The following WNK1 variants were observed in gnomAD, a reference collection of about 807,000 sequenced individuals.
The protein encoded by WNK1 is WNK lysine deficient protein kinase 1.
WNK1 carries 38 observed loss-of-function variants against 222.8 expected under a neutral mutation model. The observed-to-expected ratio is 0.17, with a 90% confidence interval of 0.13 to 0.22. The LOEUF is 0.22. Ranked by LOEUF, WNK1 falls within the 10% of genes least tolerant of loss-of-function variation. The probability of loss-of-function intolerance (pLI) is 1.00; values close to 1 mark genes in which losing one functional copy is unlikely to be tolerated. For missense variants in WNK1, 2,348 were observed against 2,918.4 expected (o/e 0.80, Z 4.50); for synonymous variants, 1,090 against 1,092.9 (o/e 1.00, Z 0.05).
rs561238194 is a variant in WNK1 at position 896,639 on chromosome 12, G to A, written c.6152G>A (p.Ser2051Asn). The A allele has an allele frequency of 1.9e-6, 3 of 1,608,388 alleles. No homozygotes were observed. Among genetic ancestry groups the A allele is most frequent in the Admixed American group, 1.7e-5 (1 of 58,876 alleles). The change falls in exon 24 of 28, where the codon AGT becomes AAT. Residue 2051 changes from serine (S) to asparagine (N), a missense_variant. Around this residue, in one of 13 missense-constraint regions of WNK1, gnomAD observed 1,144 missense variants for 1,273.6 expected, o/e 0.90. Transcript: ENST00000315939. ...LPSQNLSQSL[S>N]NSFNSSYMSS... ...AGCCAGAATCTAAGTCAAAGCCTTAGTAATTCATTTAACTCCTCTTACATG... is the reference window on the plus strand; with the variant it reads ...AGCCAGAATCTAAGTCAAAGCCTTAATAATTCATTTAACTCCTCTTACATG...
intron 1 of WNK1, 37 bp from the exon 2 acceptor site, chr12:813,605 A>G (rs1947093305): frequency 6.2e-7 from 1 of 1,607,628 alleles, no homozygotes; most frequent in African/African-American, 1.3e-5. Flanking sequence ...GTGTTTTATC[A>G]TTTTAAACCA....
chr12:764,708 TA>T (rs199688405), intron 1 of WNK1, among the ~76,000 whole-genome samples: 4 of 134,960 alleles, frequency 3.0e-5, no homozygotes, highest in Non-Finnish European at 6.6e-5. Flanking sequence ...AAAAAGAAAT[TA>T]AAAAAAAAGT....
chr12:753,543 C>T lies in WNK1; in HGVS notation c.-23C>T, dbSNP rs556319875. ...TTTCGTTCACGAATCCGAGCCCGCTCGCCTCTCTCCAGCGAACCGACCATG... is the reference window on the plus strand; with the variant it reads ...TTTCGTTCACGAATCCGAGCCCGCTTGCCTCTCTCCAGCGAACCGACCATG... On this transcript the variant is annotated 5_prime_UTR_variant, in exon 1 of 28. Coordinates refer to ENST00000315939, the MANE Select transcript of WNK1 (RefSeq NM_018979.4). This position sits in a 1 kb window ranked among gnomAD's most constrained non-coding sequence, Gnocchi z 5.2. The T allele has an allele frequency of 6.8e-5, 110 of 1,611,458 alleles. No individual in the cohort carries two copies. In the East Asian group the frequency reaches 2.4e-3, roughly 35 times the overall value.
chr12:824,216 CTTTTTTT>C (rs1207566592), intron 2 of WNK1, among the ~76,000 whole-genome samples: 1 of 126,128 alleles, frequency 7.9e-6, no homozygotes, highest in Non-Finnish European at 1.7e-5. Flanking sequence ...GCAGAGACAT[CTTTTTTT>C]TTTTTTTTTT....
chr12:770,293 C>A (rs183057324), intron 1 of WNK1, among the ~76,000 whole-genome samples: 1 of 152,190 alleles, frequency 6.6e-6, no homozygotes, highest in Admixed American at 6.5e-5. Flanking sequence ...GTTTCTGATA[C>A]ATGAATTTGG....
At chr12:802,173 A>G (rs1454552093) in intron 1 of WNK1, among the ~76,000 whole-genome samples, 1 of 152,210 alleles carries the variant, frequency 6.6e-6, no homozygotes, top group Non-Finnish European at 1.5e-5. Flanking sequence ...TTGTACGTGA[A>G]TGAACGTTTT....
At chr12:823,824 G>A (rs530297708) in intron 2 of WNK1, among the ~76,000 whole-genome samples, 1 of 151,978 alleles carries the variant, frequency 6.6e-6, no homozygotes, top group Admixed American at 6.6e-5. Flanking sequence ...TCAGCAACTG[G>A]GCTTTGTCTT....
At chr12:790,562 T>C (rs1944737293) in intron 1 of WNK1, among the ~76,000 whole-genome samples, 1 of 152,218 alleles carries the variant, frequency 6.6e-6, no homozygotes, top group Admixed American at 6.5e-5. Flanking sequence ...CCAAGGAATC[T>C]GTCTTGACCT....
rs768089161 is a variant in WNK1, at chr12:897,651, T to A, written c.6418T>A (p.Ser2140Thr). The stretch of plus-strand genomic sequence containing the variant: ...AGGCAGCAAATCTAGTCGAAGCAGT[T>A]CCTTGGGGAATAAAAGCCCCCAGCT... ...SKGSKSSRSS[S>T]LGNKSPQLSG... The change falls in exon 25 of 28, where the codon TCC becomes ACC. Residue 2140 changes from serine to threonine, a missense_variant. By Grantham distance (58) the Ser-to-Thr change is moderately conservative. Transcript: ENST00000315939. 1 of 1,614,206 alleles carries A rather than the reference T, an allele frequency of 6.2e-7. No individual in the cohort carries two copies. The highest frequency in any genetic ancestry group is 2.2e-5 in the East Asian group (1 of 44,882).
intron 8 of WNK1, chr12:867,841 A>G (rs1951806702): frequency 1.2e-6 from 2 of 1,612,366 alleles, no homozygotes; most frequent in Non-Finnish European, 1.7e-6. Flanking sequence ...TGTATGAATT[A>G]CTTGTCTTAT....
chr12:840,258 G>T (rs1369777632), intron 4 of WNK1, among the ~76,000 whole-genome samples: 1 of 149,796 alleles, frequency 6.7e-6, no homozygotes, highest in Non-Finnish European at 1.5e-5. Context: ...CTTCTGAATC[G>T]CTAGGACTAC....
At position 867,869 on chromosome 12, in the gene WNK1, C is replaced by T. The variant is rs879254311; in HGVS notation, c.2140-3396C>T. On this transcript the variant is annotated intron_variant, in intron 8 of 27. Coordinates refer to ENST00000315939, the MANE Select transcript of WNK1 (RefSeq NM_018979.4). Reference sequence around the variant, plus strand: ...TGTCTTATTCATGTTGATACAGCCTCAGTCCATGGCGCATCCGTGTGGGGG... The same window carrying T: ...TGTCTTATTCATGTTGATACAGCCTTAGTCCATGGCGCATCCGTGTGGGGG... 2 of 1,613,836 alleles carry T rather than the reference C, an allele frequency of 1.2e-6. No individual in the cohort carries two copies. Among genetic ancestry groups the T allele is most frequent in the Admixed American group, 1.7e-5 (1 of 59,994 alleles).
chr12:900,749 G>A, intron 26 of WNK1, 79 bp downstream of exon 26: 1 of 1,565,850 alleles, frequency 6.4e-7, no homozygotes, highest in Non-Finnish European at 8.8e-7. Flanking sequence ...TGTTAAGGCG[G>A]GTTGGGAGAC....
At chr12:817,536 G>A (rs4388955) in intron 2 of WNK1, among the ~76,000 whole-genome samples, 106,480 of 152,022 alleles carry the variant, frequency 0.7, 37,942 homozygotes, top group East Asian at 0.87. Flanking sequence ...TCCAAAATGC[G>A]TGCTTTTTGG....
chr12:785,405 C>G (rs11064533), intron 1 of WNK1, among the ~76,000 whole-genome samples: 5 of 118,144 alleles, frequency 4.2e-5, no homozygotes, highest in Non-Finnish European at 8.6e-5. Context: ...TTCTCCCCCC[C>G]CCCCACCCCC....
At chr12:823,164 G>A (rs149630921) in intron 2 of WNK1, among the ~76,000 whole-genome samples, 1 of 152,056 alleles carries the variant, frequency 6.6e-6, no homozygotes, top group Non-Finnish European at 1.5e-5. Context: ...TCTTATTGAG[G>A]ATCCCATGGT....
rs535597578 is a variant in WNK1, at chr12:763,720, A to T, written c.759+9396A>T. ...AGGATATGAGTGTGAGATTTTTAGGACCTAAACTAGGGAGATAATAGAAGG... is the reference window on the plus strand; with the variant it reads ...AGGATATGAGTGTGAGATTTTTAGGTCCTAAACTAGGGAGATAATAGAAGG... On this transcript the variant is annotated intron_variant, in intron 1 of 27. Coordinates refer to ENST00000315939, the MANE Select transcript of WNK1 (RefSeq NM_018979.4). 3.4e-5 allele frequency among the ~76,000 whole-genome samples: 5 copies of T among 147,762 alleles called. 2 individuals are homozygous for T. The South Asian group carries it at 1.1e-3, about 33-fold the overall frequency.
At chr12:767,462 G>A (rs773087946) in intron 1 of WNK1, among the ~76,000 whole-genome samples, 12 of 151,270 alleles carry the variant, frequency 7.9e-5, no homozygotes, top group Admixed American at 2.0e-4. Flanking sequence ...CATATTGGTC[G>A]GGCTGGTCTC....
chr12:787,130 ATATTAGAC>A (rs1398838199), intron 1 of WNK1, among the ~76,000 whole-genome samples: 1 of 152,232 alleles, frequency 6.6e-6, no homozygotes, highest in Non-Finnish European at 1.5e-5. Context: ...AAACACCTAC[ATATTAGAC>A]TATAAATCTA....
Sources: gnomAD v4.1 joint callset for allele counts (sites outside exome capture counted in the v4.1 genomes callset) on GRCh38, gnomAD v4.1.1 for gene constraint, gnomAD v4.1.1 regional missense constraint, Gnocchi (gnomAD v3.1) non-coding constraint, MANE v1.5 for transcripts, NCBI Gene and HGNC (gene_info 2026-07-23, HGNC 2026-07-21) for gene names.